The following ASCC2 variants were observed in gnomAD, a reference collection of about 807,000 sequenced individuals.
ASCC2 encodes ASC-1 complex subunit P100.
ASCC2 carries 42 observed loss-of-function variants against 93.5 expected under a neutral mutation model. That is an observed-to-expected ratio of 0.45 (90% CI 0.35 to 0.58). The LOEUF (loss-of-function observed/expected upper bound fraction) is 0.58, where lower values mean the gene tolerates loss of function less well. ASCC2 is among the 20% of genes least tolerant of loss of function. The pLI, the probability that ASCC2 is intolerant of heterozygous loss-of-function variation, is 0.00. For missense variants in ASCC2, 859 were observed against 977.6 expected (o/e 0.88, Z 1.62); for synonymous variants, 364 against 384.2 (o/e 0.95, Z 0.62).
intron 1 of ASCC2, 153 bp from the exon 2 acceptor site, chr22:29,832,495 C>T (rs2063277037): frequency 1.8e-6 from 1 of 554,834 alleles, no homozygotes; most frequent in African/African-American, 1.9e-5. Context: ...CATGCACCTA[C>T]TAACCCAGCC....
rs983383870 is a variant in ASCC2, at chr22:29,825,553, AC to A, written c.240+68del. The A allele has an allele frequency of 1.3e-5, 21 of 1,607,234 alleles. No homozygotes were observed. Among genetic ancestry groups the A allele is most frequent in the Non-Finnish European group, 1.7e-5 (20 of 1,174,336 alleles). ...AAAAGCACCTCCTAGGGGAAGAAAA[AC>A]AACAACAGCAACCAACCAATGGCAT... On this transcript the variant is annotated intron_variant, in intron 3 of 19. Transcript: ENST00000307790. This position sits in a 1 kb window ranked among gnomAD's most constrained non-coding sequence, Gnocchi z 4.9.
At chr22:29,805,891 G>A (rs1019460765) in intron 12 of ASCC2, among the ~76,000 whole-genome samples, 8 of 151,652 alleles carry the variant, frequency 5.3e-5, no homozygotes, top group African/African-American at 9.7e-5. Flanking sequence ...ATCTTCCCAC[G>A]TGACACTCTA....
At chr22:29,814,548 G>T in intron 7 of ASCC2, 109 bp downstream of exon 7, 1 of 819,478 alleles carries the variant, frequency 1.2e-6, no homozygotes, top group Non-Finnish European at 1.9e-6. Context: ...CCTGGGCAGG[G>T]AAGAGGCCAC....
intron 5 of ASCC2, among the ~76,000 whole-genome samples, chr22:29,817,783 G>A (rs372444495): frequency 2.6e-5 from 4 of 152,312 alleles, no homozygotes; most frequent in Non-Finnish European, 2.9e-5. Context: ...CAGTGACGAT[G>A]TAACTTTTGA....
At chr22:29,812,266 G>A (rs1208822901) in intron 8 of ASCC2, among the ~76,000 whole-genome samples, 1 of 152,190 alleles carries the variant, frequency 6.6e-6, no homozygotes, top group Non-Finnish European at 1.5e-5. Flanking sequence ...GAAACGTCTT[G>A]CTAGAGTGAC....
chr22:29,800,709 T>C (rs2058980947), intron 15 of ASCC2, among the ~76,000 whole-genome samples: 1 of 152,160 alleles, frequency 6.6e-6, no homozygotes, highest in Non-Finnish European at 1.5e-5. Context: ...CATTAAAAGA[T>C]GTAAGAAGAA....
chr22:29,789,611 G>T (rs1397372943), intron 19 of ASCC2, among the ~76,000 whole-genome samples: 1 of 152,168 alleles, frequency 6.6e-6, no homozygotes, highest in Non-Finnish European at 1.5e-5. Flanking sequence ...TGTGACCTAG[G>T]GCCCTTTCAG....
At chr22:29,804,526 A>T in intron 13 of ASCC2, 112 bp downstream of exon 13, 1 of 1,350,286 alleles carries the variant, frequency 7.4e-7, no homozygotes, top group South Asian at 1.4e-5. Flanking sequence ...CCCCAAAAAA[A>T]CTTTTTCCCT....
At chr22:29,798,191 G>T (rs1175550200) in intron 15 of ASCC2, among the ~76,000 whole-genome samples, 2 of 152,150 alleles carry the variant, frequency 1.3e-5, no homozygotes, top group Non-Finnish European at 2.9e-5. Flanking sequence ...ATGTATTGAT[G>T]TCTCCACAAC....
chr22:29,808,261 C>T, intron 8 of ASCC2, 76 bp from the exon 9 acceptor site: 1 of 1,458,988 alleles, frequency 6.9e-7, no homozygotes, highest in Non-Finnish European at 9.5e-7. Context: ...AAAGCAAACC[C>T]CAGGGAGTGG....
chr22:29,790,815 C>T (rs2057636686), intron 18 of ASCC2, among the ~76,000 whole-genome samples: 1 of 152,134 alleles, frequency 6.6e-6, no homozygotes, highest in East Asian at 1.9e-4. Flanking sequence ...AGTGGATAGA[C>T]CATAGTTATG....
At chr22:29,806,577 T>A in intron 10 of ASCC2, 24 bp from the exon 11 acceptor site, 2 of 1,605,890 alleles carry the variant, frequency 1.2e-6, no homozygotes, top group Non-Finnish European at 1.7e-6. Context: ...CCAGGGAAGA[T>A]GAGCTCATGC....
chr22:29,831,788 T>C (rs1033768548), intron 2 of ASCC2, among the ~76,000 whole-genome samples: 3 of 152,218 alleles, frequency 2.0e-5, no homozygotes, highest in East Asian at 1.9e-4. Flanking sequence ...GGTGTTTGTA[T>C]GTGGTGCTTC....
intron 8 of ASCC2, among the ~76,000 whole-genome samples, chr22:29,809,202 T>G (rs1011975813): frequency 9.9e-5 from 15 of 151,702 alleles, no homozygotes; most frequent in African/African-American, 3.4e-4. Flanking sequence ...AATGTTCTCA[T>G]GATTTTTTCC....
chr22:29,793,535 T>C (rs2058045084), intron 16 of ASCC2, 42 bp downstream of exon 16: 8 of 1,613,786 alleles, frequency 5.0e-6, no homozygotes, highest in Non-Finnish European at 4.2e-6. Flanking sequence ...GGGGCTGGCC[T>C]GGTTTCCCTG....
chr22:29,806,751 T>C (rs1404385850), intron 10 of ASCC2, 46 bp downstream of exon 10: 1 of 1,538,460 alleles, frequency 6.5e-7, no homozygotes, highest in Non-Finnish European at 9.0e-7. Context: ...CCTGAAGGGC[T>C]TGGGGAGGAG....
intron 8 of ASCC2, among the ~76,000 whole-genome samples, chr22:29,808,632 A>C (rs577719224): frequency 6.6e-6 from 1 of 151,922 alleles, no homozygotes; most frequent in African/African-American, 2.4e-5. Flanking sequence ...TCAGCCTGGG[A>C]AACAGGCTGG....
At chr22:29,801,196 C>CG in intron 14 of ASCC2, 86 bp from the exon 15 acceptor site, 1 of 1,467,778 alleles carries the variant, frequency 6.8e-7, no homozygotes, top group Non-Finnish European at 9.1e-7. Flanking sequence ...GTATTAAATC[C>CG]ATCGGATTTT....
At chr22:29,793,217 G>C in intron 17 of ASCC2, 143 bp downstream of exon 17, 1 of 1,148,620 alleles carries the variant, frequency 8.7e-7, no homozygotes, top group East Asian at 2.5e-5. Context: ...GGGTGGGCTG[G>C]GGTGGAGGAG....
Sources: gnomAD v4.1 joint callset for allele counts (sites outside exome capture counted in the v4.1 genomes callset) on GRCh38, gnomAD v4.1.1 for gene constraint, Gnocchi (gnomAD v3.1) non-coding constraint, MANE v1.5 for transcripts, NCBI Gene and HGNC (gene_info 2026-07-23, HGNC 2026-07-21) for gene names.